Variants in NAV1 observed in about 807,000 individuals in gnomAD.
NAV1 encodes the protein pore membrane and/or filament interacting like protein 3.
In NAV1, 18 loss-of-function variants were observed where a neutral mutation model predicts 175.2. That is an observed-to-expected ratio of 0.10 (90% CI 0.07 to 0.15). The LOEUF (loss-of-function observed/expected upper bound fraction) is 0.15. Among genes scored for constraint, NAV1 ranks in the 10% least tolerant of loss-of-function variants. The pLI is 1.00. For missense variants in NAV1, 1,731 were observed against 2,436.6 expected (o/e 0.71, Z 6.10); for synonymous variants, 897 against 978.7 (o/e 0.92, Z 1.56).
At chr1:201,743,603 G>A (rs776123347) in intron 3 of NAV1, among the ~76,000 whole-genome samples, 9 of 152,180 alleles carry the variant, frequency 5.9e-5, no homozygotes, top group African/African-American at 1.4e-4. Context: ...TTATGACCAC[G>A]TGAAGTCATT....
At chr1:201,650,724 A>G (rs532129142) in intron 1 of NAV1, among the ~76,000 whole-genome samples, 1 of 152,186 alleles carries the variant, frequency 6.6e-6, no homozygotes, top group East Asian at 1.9e-4. Context: ...GTCCTCTGAC[A>G]GGGGCAAGGA....
At chr1:201,814,340 A>T (rs1314516295) in intron 28 of NAV1, among the ~76,000 whole-genome samples, 1 of 151,626 alleles carries the variant, frequency 6.6e-6, no homozygotes. Flanking sequence ...ACTACACTCC[A>T]GCCTGGGCAA....
At chr1:201,559,913 T>C (rs959556128) in intron 1 of NAV1, among the ~76,000 whole-genome samples, 3 of 152,134 alleles carry the variant, frequency 2.0e-5, no homozygotes, top group Admixed American at 1.3e-4. Context: ...GCTCTGCATC[T>C]TGTGGGCTAA....
intron 1 of NAV1, among the ~76,000 whole-genome samples, chr1:201,552,170 G>C (rs1241654199): frequency 6.6e-6 from 1 of 152,224 alleles, no homozygotes; most frequent in Non-Finnish European, 1.5e-5. Flanking sequence ...CAGGGAGGGG[G>C]CCAGAGGCCG....
intron 2 of NAV1, among the ~76,000 whole-genome samples, chr1:201,592,856 C>G (rs749717401): frequency 6.6e-6 from 1 of 152,092 alleles, no homozygotes; most frequent in African/African-American, 2.4e-5. Context: ...ACCCGTCAGA[C>G]CAGGAGCGAG....
intron 3 of NAV1, among the ~76,000 whole-genome samples, chr1:201,745,899 C>G (rs1673737295): frequency 6.6e-6 from 1 of 152,174 alleles, no homozygotes; most frequent in Non-Finnish European, 1.5e-5. Flanking sequence ...GTGGCGCCAT[C>G]TCCGCTCATT....
At chr1:201,557,203 A>G (rs1394218935) in intron 1 of NAV1, among the ~76,000 whole-genome samples, 1 of 152,206 alleles carries the variant, frequency 6.6e-6, no homozygotes, top group Non-Finnish European at 1.5e-5. Flanking sequence ...TTGGATTGCA[A>G]TTAGTACCTG....
chr1:201,786,569 C>G, exon 9 of NAV1: 3 of 1,613,194 alleles, frequency 1.9e-6, no homozygotes, highest in Non-Finnish European at 2.5e-6. Flanking sequence ...GGCCAACTTA[C>G]CAACATAGGT....
chr1:201,634,139 G>C (rs1164710425), intron 2 of NAV1, among the ~76,000 whole-genome samples: 2 of 152,220 alleles, frequency 1.3e-5, no homozygotes, highest in Non-Finnish European at 2.9e-5. Flanking sequence ...TATTTAGTCT[G>C]TCTGTGCCCC....
Position 201,662,960 on chromosome 1 carries a change from C to T in NAV1, c.757+13535C>T, listed in dbSNP as rs1016017574. 2.2e-4 allele frequency among the ~76,000 whole-genome samples: 18 copies of T among 82,724 alleles called. 1 individual carries two copies. Among genetic ancestry groups the T allele is most frequent in the East Asian group, 4.3e-4 (1 of 2,338 alleles). The allele number at this position is 82,724 out of a possible 152,430, so 54.3% of individuals were successfully genotyped here. On this transcript the variant is annotated intron_variant, in intron 1 of 29. Transcript: ENST00000367296. The stretch of plus-strand genomic sequence containing the variant: ...CAGCCATGTTTCCAGGGGAAAGGGA[C>T]GAAGTTTTCTATGCCTCTTCACATG...
chr1:201,767,626 C>A (rs1301077283), intron 3 of NAV1, among the ~76,000 whole-genome samples: 1 of 152,130 alleles, frequency 6.6e-6, no homozygotes, highest in African/African-American at 2.4e-5. Context: ...CTCCACATCT[C>A]AATTGGGACT....
intron 2 of NAV1, among the ~76,000 whole-genome samples, chr1:201,610,664 G>A (rs1185559515): frequency 6.6e-6 from 1 of 152,220 alleles, no homozygotes; most frequent in Non-Finnish European, 1.5e-5. Flanking sequence ...ACACAGGCTG[G>A]GGTGGTGGAG....
intron 2 of NAV1, among the ~76,000 whole-genome samples, chr1:201,593,866 A>G (rs1241267301): frequency 1.3e-5 from 2 of 152,084 alleles, no homozygotes; most frequent in East Asian, 3.9e-4. Context: ...GGGAGGATGG[A>G]TGAGCCTGGG....
rs200975618 is a variant in NAV1 at position 201,600,674 on chromosome 1, C to CA, written c.-33+12035dup. On this transcript the variant is annotated intron_variant, in intron 2 of 33. Coordinates refer to the NAV1 transcript ENST00000685211. ...CTCAAAAAAATAGGTGAGGGAGTGA[C>CA]AAAAAAAAAATGGACCAAGATGAGT... 6.6e-3 allele frequency among the ~76,000 whole-genome samples: 966 copies of CA among 145,854 alleles called. 7 individuals carry two copies. The highest frequency in any genetic ancestry group is 0.02 in the African/African-American group (805 of 39,792).
At chr1:201,612,668 G>A (rs914869944) in intron 2 of NAV1, among the ~76,000 whole-genome samples, 1 of 152,154 alleles carries the variant, frequency 6.6e-6, no homozygotes, top group Non-Finnish European at 1.5e-5. Flanking sequence ...ATTCACAAAG[G>A]TGTAGCCCTC....
intron 1 of NAV1, among the ~76,000 whole-genome samples, chr1:201,672,142 G>GT (rs148611377): frequency 0.17 from 26,000 of 152,124 alleles, 2,740 homozygotes; most frequent in African/African-American, 0.3. Flanking sequence ...TATTTGAAAC[G>GT]TTTTTTCTCC....
At chr1:201,626,106 C>T (rs1040177597) in intron 1 of NAV1, among the ~76,000 whole-genome samples, 1 of 152,190 alleles carries the variant, frequency 6.6e-6, no homozygotes, top group African/African-American at 2.4e-5. Context: ...AAGGACACTC[C>T]GAGATGCTGC....
chr1:201,655,592 C>T (rs1017579701), intron 1 of NAV1, among the ~76,000 whole-genome samples: 3 of 152,192 alleles, frequency 2.0e-5, no homozygotes, highest in African/African-American at 7.2e-5. Flanking sequence ...AGCAGGACAC[C>T]AGCGCCTTCA....
chr1:201,564,821 T>C (rs938160469), intron 1 of NAV1, among the ~76,000 whole-genome samples: 16 of 152,208 alleles, frequency 1.1e-4, no homozygotes, highest in African/African-American at 3.9e-4. Context: ...TTCCTTGCCT[T>C]TTCCAGCTCC....
Sources: allele counts gnomAD v4.1 joint callset (sites outside exome capture counted in the v4.1 genomes callset), GRCh38; gene constraint gnomAD v4.1.1; transcripts MANE v1.5; gene names NCBI Gene and HGNC (gene_info 2026-07-23, HGNC 2026-07-21).